The following ENC1 variants were observed in gnomAD, a reference collection of about 807,000 sequenced individuals.
The protein encoded by ENC1 is ectoderm-neural cortex protein 1.
In ENC1, 19 loss-of-function variants were observed where a neutral mutation model predicts 40.9. The ratio of observed to expected loss-of-function variants is 0.46; its 90% CI spans 0.32 to 0.68. The LOEUF (loss-of-function observed/expected upper bound fraction) is 0.68, where lower values mean the gene tolerates loss of function less well. ENC1 is among the 30% of genes least tolerant of loss of function. The pLI is 0.03. For synonymous variants in ENC1, 285 were observed against 291.1 expected (o/e 0.98, Z 0.21); for missense variants, 479 against 737.5 (o/e 0.65, Z 4.06).
rs1244631584 is a variant in ENC1, at chr5:74,635,073, C to T, written c.1413G>A (p.Arg471=). 1 of 1,614,116 alleles carries T rather than the reference C, an allele frequency of 6.2e-7. No individual in the cohort carries two copies. Among genetic ancestry groups the T allele is most frequent in the East Asian group, 2.2e-5 (1 of 44,902 alleles). ...GGGGACAGGTGGCCGGTACAGTCCA[C>T]CTGTTTTCACACTGATCGTAACACT... The part of the protein sequence containing the change: ...KVQCYDQCEN[R]WTVPATCPQP... Residue 471 remains arginine (R), a synonymous_variant, in exon 2 of 3, where the codon AGG becomes AGA. Transcript: ENST00000302351. This position sits in a 1 kb window ranked among gnomAD's most constrained non-coding sequence, Gnocchi z 5.5.
At position 74,637,000 on chromosome 5, in the gene ENC1, C is replaced by T. The variant is rs1469237493; in HGVS notation, c.-13-502G>A. 6.6e-6 allele frequency among the ~76,000 whole-genome samples: 1 copy of T among 152,186 alleles called. No individual in the cohort carries two copies. Among genetic ancestry groups the T allele is most frequent in the Non-Finnish European group, 1.5e-5 (1 of 68,038 alleles). On this transcript the variant is annotated intron_variant, in intron 1 of 2. Coordinates refer to ENST00000302351, the MANE Select transcript of ENC1 (RefSeq NM_003633.4). The surrounding 1 kb of genome is among the most constrained non-coding windows in gnomAD (Gnocchi z 4.8). ...TAAAACAAACACCTAATAATTAATT[C>T]CATTAAGAATTCCTTTGGTAAGATC... is the stretch of plus-strand genomic sequence containing the variant.
chr5:74,640,056 GC>G (rs1747790887), intron 1 of ENC1: 1 of 152,266 alleles, frequency 6.6e-6, no homozygotes, highest in African/African-American at 2.4e-5. Flanking sequence ...TTCCCCAGCG[GC>G]TCGCCCCAGA....
chr5:74,639,117 C>CA (rs1171106787), intron 1 of ENC1, among the ~76,000 whole-genome samples: 1 of 152,182 alleles, frequency 6.6e-6, no homozygotes, highest in African/African-American at 2.4e-5. Context: ...TGGAAAAGCA[C>CA]GTCACAGTCA....
Position 74,636,216 on chromosome 5 carries a change from G to T in ENC1, c.270C>A (p.Asp90Glu). ...KESQDSEVNF[D>E]NSIHPEVLEL... ...CCAAGACTTCTGGGTGGATGGAATTGTCAAAGTTGACCTCACTGTCCTGGC... is the reference window on the plus strand; with the variant it reads ...CCAAGACTTCTGGGTGGATGGAATTTTCAAAGTTGACCTCACTGTCCTGGC... Residue 90 changes from aspartate (D) to glutamate (E), a missense_variant, in exon 2 of 3, where the codon GAC (aspartate) becomes GAA (glutamate). Coordinates refer to ENST00000302351, the MANE Select transcript of ENC1 (RefSeq NM_003633.4). This position sits in a 1 kb window ranked among gnomAD's most constrained non-coding sequence, Gnocchi z 4.8. 6.2e-7 allele frequency: 1 copy of T among 1,614,210 alleles called. No individual in the cohort carries two copies. The highest frequency in any genetic ancestry group is 8.5e-7 in the Non-Finnish European group (1 of 1,180,044).
chr5:74,633,715 A>T (rs568259601), intron 2 of ENC1, among the ~76,000 whole-genome samples: 1 of 152,206 alleles, frequency 6.6e-6, no homozygotes, highest in African/African-American at 2.4e-5. Flanking sequence ...GTGAAGCTCA[A>T]GTTTATTCGG....
In ENC1 at chr5:74,640,410, C is replaced by A. The variant is rs968036376; in HGVS notation, c.-117G>T. On this transcript the variant is annotated 5_prime_UTR_variant, in exon 1 of 3. Coordinates refer to ENST00000302351, the MANE Select transcript of ENC1 (RefSeq NM_003633.4). ...AGCCCAGGGAAGCGGTGGCGAATGC[C>A]CCGGAGAAAGGAGGGCCAGCCGGGG... The A allele has an allele frequency of 3.3e-5, 5 of 152,304 alleles. No homozygotes were observed. The highest frequency in any genetic ancestry group is 1.2e-4 in the African/African-American group (5 of 41,450). 9.4% of individuals were successfully genotyped at this position (152,304 alleles called of 1,614,324 possible).
chr5:74,635,524 A>G lies in ENC1; in HGVS notation c.962T>C (p.Ile321Thr). Reference sequence around the variant, plus strand: ...TGGGCTGGGAATGTCAGCCTTGGGAATGATTTCTTTGGCCTTCTGGTCTAC... The same window carrying G: ...TGGGCTGGGAATGTCAGCCTTGGGAGTGATTTCTTTGGCCTTCTGGTCTAC... Reference protein sequence around the residue: ...YLVDQKAKEIIPKADIPSPRK... With the variant: ...YLVDQKAKEITPKADIPSPRK... Residue 321 changes from isoleucine (I) to threonine (T), a missense_variant, in exon 2 of 3, where the codon ATT (isoleucine) becomes ACT (threonine). Physicochemically the swap from Ile to Thr is moderately conservative, Grantham distance 89. Transcript: ENST00000302351. This position sits in a 1 kb window ranked among gnomAD's most constrained non-coding sequence, Gnocchi z 5.5. 1.2e-6 allele frequency: 2 copies of G among 1,614,182 alleles called. No homozygotes were observed. Among genetic ancestry groups the G allele is most frequent in the Admixed American group, 1.7e-5 (1 of 60,020 alleles).
In ENC1 at chr5:74,640,500, G is replaced by T. The variant is rs1747820360; in HGVS notation, c.-207C>A. ...CCGATGGCGTTCGCCTCCGTCTGTC[G>T]TCCCCACGCCGCGGACCCGGTGTCC... On this transcript the variant is annotated 5_prime_UTR_variant, in exon 1 of 3. Transcript: ENST00000302351. 6.6e-6 allele frequency: 1 copy of T among 152,306 alleles called. No individual in the cohort carries two copies. The highest frequency in any genetic ancestry group is 1.5e-5 in the Non-Finnish European group (1 of 68,098). 9.4% of individuals were successfully genotyped at this position (152,306 alleles called of 1,614,324 possible).
At chr5:74,633,647 G>A (rs1348218324) in intron 2 of ENC1, among the ~76,000 whole-genome samples, 1 of 152,212 alleles carries the variant, frequency 6.6e-6, no homozygotes, top group African/African-American at 2.4e-5. Context: ...AAGGGTTTGA[G>A]GAAGCAAAAT....
In ENC1 at chr5:74,636,563, G is replaced by C; in HGVS notation, c.-13-65C>G. The C allele has an allele frequency of 2.1e-6, 2 of 934,854 alleles. No individual in the cohort carries two copies. Among genetic ancestry groups the C allele is most frequent in the Non-Finnish European group, 3.2e-6 (2 of 627,940 alleles). The allele number at this position is 934,854 out of a possible 1,614,324, so 57.9% of individuals were successfully genotyped here. A position where few individuals can be genotyped will look rare whatever the true frequency, so the allele number is the denominator to read the frequency against. ...TGATGTTCAGAACAGCAGAACGAAA[G>C]CAACAATGGTTTTGCACAAAAAACA... On this transcript the variant is annotated intron_variant, in intron 1 of 2. Coordinates refer to ENST00000302351, the MANE Select transcript of ENC1 (RefSeq NM_003633.4). This position sits in a 1 kb window ranked among gnomAD's most constrained non-coding sequence, Gnocchi z 4.8.
Position 74,630,558 on chromosome 5 carries a change from C to A in ENC1, c.*33-566G>T, listed in dbSNP as rs541989366. Among the ~76,000 whole-genome samples the A allele has an allele frequency of 4.6e-5, 7 of 152,310 alleles. No individual in the cohort carries two copies. In the South Asian group the frequency reaches 8.3e-4, roughly 18 times the overall value. On this transcript the variant is annotated intron_variant, in intron 2 of 2. Coordinates refer to ENST00000302351, the MANE Select transcript of ENC1 (RefSeq NM_003633.4). ...TCCATTATGGCAGAAATCAGTCTCGCTTCCTTTCACATGACAATGTATCAG... is the reference window on the plus strand; with the variant it reads ...TCCATTATGGCAGAAATCAGTCTCGATTCCTTTCACATGACAATGTATCAG...
chr5:74,628,078 G>A lies in ENC1; in HGVS notation c.*1947C>T, dbSNP rs779200827. 2 of 152,468 alleles carry A rather than the reference G, an allele frequency of 1.3e-5. No homozygotes were observed. Among genetic ancestry groups the A allele is most frequent in the Admixed American group, 1.3e-4 (2 of 15,276 alleles). 9.4% of individuals were successfully genotyped at this position (152,468 alleles called of 1,614,324 possible). A position where few individuals can be genotyped will look rare whatever the true frequency, so the allele number is the denominator to read the frequency against. On this transcript the variant is annotated 3_prime_UTR_variant, in exon 3 of 3. Transcript: ENST00000302351. ...GAGCTGTAACTGCTACAATATAAAC[G>A]ACACTGACTATGCCCACTGGGGGAC...
chr5:74,637,673 T>A (rs1747651395), intron 1 of ENC1: 1 of 152,242 alleles, frequency 6.6e-6, no homozygotes, highest in South Asian at 2.1e-4. Context: ...TCACTAGGAC[T>A]GTTCCTGTAT....
rs1167316173 is a variant in ENC1 at position 74,635,628 on chromosome 5, G to C, written c.858C>G (p.Leu286=). The C allele has an allele frequency of 6.8e-6, 11 of 1,614,234 alleles. No individual in the cohort carries two copies. The highest frequency in any genetic ancestry group is 9.3e-6 in the Non-Finnish European group (11 of 1,180,044). ...ILQNDGVVTS[L]CARPRKTGHA... is the part of the protein sequence containing the mutation. ...GGCCAGTTTTCCGAGGTCGGGCACAGAGGCTGGTTACCACACCGTCATTCT... is the reference window on the plus strand; with the variant it reads ...GGCCAGTTTTCCGAGGTCGGGCACACAGGCTGGTTACCACACCGTCATTCT... Residue 286 remains leucine (L), a synonymous_variant, in exon 2 of 3, where the codon CTC becomes CTG. Coordinates refer to ENST00000302351, the MANE Select transcript of ENC1 (RefSeq NM_003633.4). The surrounding 1 kb of genome is among the most constrained non-coding windows in gnomAD (Gnocchi z 5.5).
intron 2 of ENC1, among the ~76,000 whole-genome samples, chr5:74,631,864 C>A (rs998136986): frequency 3.9e-5 from 6 of 152,164 alleles, no homozygotes; most frequent in Non-Finnish European, 8.8e-5. Context: ...GTCAAAGAAA[C>A]CTCATTTTCC....
At position 74,635,780 on chromosome 5, in the gene ENC1, C is replaced by T; in HGVS notation, c.706G>A (p.Val236Ile). The T allele has an allele frequency of 3.1e-6, 5 of 1,614,126 alleles. No individual in the cohort carries two copies. Among genetic ancestry groups the T allele is most frequent in the Non-Finnish European group, 4.2e-6 (5 of 1,180,018 alleles). ...ATGGCTGGCAGAAGTGCCAGCCTTACTGTCTGCAACAGTTCTGGGAGGTAG... is the reference window on the plus strand; with the variant it reads ...ATGGCTGGCAGAAGTGCCAGCCTTATTGTCTGCAACAGTTCTGGGAGGTAG... ...YCYLPELLQT[V>I]RLALLPAIYL... Residue 236 changes from valine (V) to isoleucine (I), a missense_variant, in exon 2 of 3, where the codon GTA becomes ATA. Physicochemically the swap from Val to Ile is conservative, Grantham distance 29. Transcript: ENST00000302351. This position sits in a 1 kb window ranked among gnomAD's most constrained non-coding sequence, Gnocchi z 5.5.
intron 1 of ENC1, chr5:74,639,947 G>A (rs1294347116): frequency 2.0e-5 from 3 of 152,322 alleles, no homozygotes; most frequent in Admixed American, 1.3e-4. Flanking sequence ...CTCGGCCCTG[G>A]AGGCTGCGGG....
rs1167952153 is a variant in ENC1, at chr5:74,640,481, G to A, written c.-188C>T. On this transcript the variant is annotated 5_prime_UTR_variant, in exon 1 of 3. Coordinates refer to ENST00000302351, the MANE Select transcript of ENC1 (RefSeq NM_003633.4). Reference sequence around the variant, plus strand: ...ATGGCTCGCGGACCGGCTACCGATGGCGTTCGCCTCCGTCTGTCGTCCCCA... The same window carrying A: ...ATGGCTCGCGGACCGGCTACCGATGACGTTCGCCTCCGTCTGTCGTCCCCA... 1 of 152,320 alleles carries A rather than the reference G, an allele frequency of 6.6e-6. No individual in the cohort carries two copies. Among genetic ancestry groups the A allele is most frequent in the Non-Finnish European group, 1.5e-5 (1 of 68,104 alleles). The allele number at this position is 152,320 out of a possible 1,614,324, so 9.4% of individuals were successfully genotyped here. A position where few individuals can be genotyped will look rare whatever the true frequency, so the allele number is the denominator to read the frequency against.
Position 74,634,764 on chromosome 5 carries a change from C to A in ENC1, c.1722G>T (p.Ser574=), listed in dbSNP as rs752456866. 1 of 1,613,704 alleles carries A rather than the reference C, an allele frequency of 6.2e-7. No homozygotes were observed. The highest frequency in any genetic ancestry group is 1.7e-5 in the Admixed American group (1 of 60,010). Residue 574 remains serine, a synonymous_variant, in exon 2 of 3, where the codon TCG becomes TCT. Coordinates refer to ENST00000302351, the MANE Select transcript of ENC1 (RefSeq NM_003633.4). ...TGCTGACAAATGCAGTAGGAATCAG[C>A]GAGTACGGGACAGTGGTGATGCTGT... The part of the protein sequence containing the change: ...VWNSITTVPY[S]LIPTAFVSTW...
Sources: gnomAD v4.1 joint callset for allele counts (sites outside exome capture counted in the v4.1 genomes callset) on GRCh38, gnomAD v4.1.1 for gene constraint, Gnocchi (gnomAD v3.1) non-coding constraint, MANE v1.5 for transcripts, NCBI Gene and HGNC (gene_info 2026-07-23, HGNC 2026-07-21) for gene names.